The following PTPRN2 variants were observed in gnomAD, a reference collection of about 807,000 sequenced individuals.
PTPRN2 encodes the protein protein tyrosine phosphatase receptor type N2, also known as receptor-type tyrosine-protein phosphatase N2.
Under a neutral mutation model 118.8 loss-of-function variants are expected in PTPRN2, and 74 were observed. The observed-to-expected ratio is 0.62, with a 90% CI of 0.52 to 0.76. The LOEUF is 0.76. Ranked by LOEUF, PTPRN2 falls within the 30% of genes least tolerant of loss-of-function variation. The pLI, the probability that PTPRN2 is intolerant of heterozygous loss-of-function variation, is 0.00. For synonymous variants in PTPRN2, 641 were observed against 608.0 expected, an observed-to-expected ratio of 1.05 and a Z score of -0.80; for missense variants, 1,481 against 1,394.4, an observed-to-expected ratio of 1.06 and a Z score of -0.99.
At chr7:157,714,774 G>C (rs576054100) in intron 12 of PTPRN2, among the ~76,000 whole-genome samples, 106 of 146,452 alleles carry the variant, frequency 7.2e-4, no homozygotes, top group African/African-American at 2.6e-3. Flanking sequence ...CGCCCAGTCC[G>C]ACATGCTTCT....
At chr7:158,048,135 A>T (rs745667455) in intron 11 of PTPRN2, among the ~76,000 whole-genome samples, 7 of 130,264 alleles carry the variant, frequency 5.4e-5, no homozygotes, top group Non-Finnish European at 9.8e-5. Context: ...ATATGTATAC[A>T]CACACACACA....
chr7:157,736,852 C>T (rs191646110), intron 12 of PTPRN2, among the ~76,000 whole-genome samples: 1 of 152,168 alleles, frequency 6.6e-6, no homozygotes, highest in African/African-American at 2.4e-5. Context: ...CCCACCAGTG[C>T]CCGGCTGGAC....
At chr7:157,673,450 T>C (rs1045697619) in intron 13 of PTPRN2, among the ~76,000 whole-genome samples, 9 of 152,304 alleles carry the variant, frequency 5.9e-5, no homozygotes, top group Admixed American at 2.0e-4. Context: ...GCAGCCCCCA[T>C]GGAACAGGAA....
chr7:157,828,348 G>A (rs1429497724), intron 12 of PTPRN2, among the ~76,000 whole-genome samples: 2 of 152,192 alleles, frequency 1.3e-5, no homozygotes, highest in African/African-American at 4.8e-5. Context: ...AAGAGGCCAC[G>A]TTGACTACAG....
At chr7:158,340,457 C>T (rs1241463146) in intron 2 of PTPRN2, among the ~76,000 whole-genome samples, 4 of 80,594 alleles carry the variant, frequency 5.0e-5, no homozygotes, top group Non-Finnish European at 7.6e-5. Flanking sequence ...CACCCGCAGA[C>T]GTCACTCACA....
At chr7:157,992,902 G>A (rs1176386059) in intron 11 of PTPRN2, among the ~76,000 whole-genome samples, 1 of 152,274 alleles carries the variant, frequency 6.6e-6, no homozygotes, top group African/African-American at 2.4e-5. Context: ...GCCCCTTGAA[G>A]GGGACACACA....
At chr7:157,882,292 A>G (rs910575115) in intron 12 of PTPRN2, among the ~76,000 whole-genome samples, 1 of 151,066 alleles carries the variant, frequency 6.6e-6, no homozygotes, top group African/African-American at 2.4e-5. Flanking sequence ...ATCAGAACAC[A>G]CCACCCCAAA....
chr7:158,287,035 G>A (rs963575993), intron 3 of PTPRN2, among the ~76,000 whole-genome samples: 9 of 150,662 alleles, frequency 6.0e-5, no homozygotes, highest in African/African-American at 1.7e-4. Flanking sequence ...TTTGTTATTG[G>A]TCTGTTCAGA....
chr7:157,769,071 T>C (rs1300799405), intron 12 of PTPRN2, among the ~76,000 whole-genome samples: 2 of 152,300 alleles, frequency 1.3e-5, no homozygotes, highest in African/African-American at 4.8e-5. Flanking sequence ...ATCATCTTCA[T>C]TAACCACAGC....
In PTPRN2 at chr7:157,676,977, C is replaced by T. The variant is rs568912822; in HGVS notation, c.2001+5748G>A. On this transcript the variant is annotated intron_variant, in intron 13 of 22. Coordinates refer to ENST00000389418, the MANE Select transcript of PTPRN2 (RefSeq NM_002847.5). This position sits in a 1 kb window ranked among gnomAD's most constrained non-coding sequence, Gnocchi z 5.6. Reference sequence around the variant, plus strand: ...AGCAGCACCCGCTCCACAGACACCACGCACACCGCCCCTCCCCTGGTGCTG... The same window carrying T: ...AGCAGCACCCGCTCCACAGACACCATGCACACCGCCCCTCCCCTGGTGCTG... Among the ~76,000 whole-genome samples the T allele has an allele frequency of 2.5e-4, 38 of 152,288 alleles. No individual in the cohort carries two copies. Among genetic ancestry groups the T allele is most frequent in the Admixed American group, 1.2e-3 (18 of 15,310 alleles).
chr7:157,666,053 C>T (rs1796121541), intron 13 of PTPRN2, among the ~76,000 whole-genome samples: 1 of 151,730 alleles, frequency 6.6e-6, no homozygotes, highest in Non-Finnish European at 1.5e-5. Context: ...TTGGTGGGTG[C>T]AGCAATCCAA....
chr7:158,177,675 A>G (rs1255102150), intron 5 of PTPRN2, among the ~76,000 whole-genome samples: 2 of 152,212 alleles, frequency 1.3e-5, no homozygotes, highest in African/African-American at 2.4e-5. Context: ...AACAGAAATG[A>G]GACTCACTGT....
chr7:158,448,402 A>G (rs1156923225), intron 2 of PTPRN2, among the ~76,000 whole-genome samples: 2 of 150,972 alleles, frequency 1.3e-5, no homozygotes, highest in South Asian at 4.2e-4. Context: ...GGGGAGGAGG[A>G]GGGAGGTTGG....
intron 2 of PTPRN2, among the ~76,000 whole-genome samples, chr7:158,358,791 G>C (rs1808592259): frequency 6.6e-6 from 1 of 152,240 alleles, no homozygotes; most frequent in Non-Finnish European, 1.5e-5. Flanking sequence ...CAGGGCCTTG[G>C]GGAGGGGGAG....
rs537387311 is a variant in PTPRN2 at position 157,613,013 on chromosome 7, G to A, written c.2344+8349C>T. 5.9e-5 allele frequency among the ~76,000 whole-genome samples: 9 copies of A among 152,340 alleles called. No individual in the cohort carries two copies. The South Asian group carries it at 1.7e-3, about 28-fold the overall frequency. ...GATCTCACTGACAGGGAGAGTCCCT[G>A]AGGAGGGGCCGGGGTGCTTCCGGCC... On this transcript the variant is annotated intron_variant, in intron 15 of 22. Transcript: ENST00000389418.
At chr7:157,981,371 G>A (rs1046709407) in intron 11 of PTPRN2, among the ~76,000 whole-genome samples, 1 of 148,630 alleles carries the variant, frequency 6.7e-6, no homozygotes, top group East Asian at 1.9e-4. Context: ...TCAAACTCCT[G>A]CTATTCCGGG....
chr7:158,171,334 T>TACAC (rs1823674063), intron 5 of PTPRN2, among the ~76,000 whole-genome samples: 1 of 127,816 alleles, frequency 7.8e-6, no homozygotes, highest in African/African-American at 3.3e-5. Context: ...TATATATATA[T>TACAC]ATATATATAT....
chr7:157,767,956 A>C (rs1166023758), intron 12 of PTPRN2, among the ~76,000 whole-genome samples: 4 of 152,260 alleles, frequency 2.6e-5, no homozygotes, highest in Non-Finnish European at 5.9e-5. Flanking sequence ...AGGCACAGTC[A>C]TGGGACGCTT....
intron 3 of PTPRN2, among the ~76,000 whole-genome samples, chr7:158,274,973 C>T (rs1349599899): frequency 6.6e-6 from 1 of 152,234 alleles, no homozygotes; most frequent in Non-Finnish European, 1.5e-5. Flanking sequence ...AGATCAACTC[C>T]TGGGGCGTAG....
Sources: gnomAD v4.1 joint callset for allele counts (sites outside exome capture counted in the v4.1 genomes callset) on GRCh38, gnomAD v4.1.1 for gene constraint, Gnocchi (gnomAD v3.1) non-coding constraint, MANE v1.5 for transcripts, NCBI Gene and HGNC (gene_info 2026-07-23, HGNC 2026-07-21) for gene names.